LARP4: variants seen among roughly 807,000 people sequenced by gnomAD.
LARP4 encodes the protein La ribonucleoprotein 4.
LARP4 carries 29 observed loss-of-function variants against 92.9 expected under a neutral mutation model. That is an observed-to-expected ratio of 0.31 (90% CI 0.23 to 0.43). The LOEUF (loss-of-function observed/expected upper bound fraction) is 0.43. Ranked by LOEUF, LARP4 falls within the 20% of genes least tolerant of loss-of-function variation. The pLI is 1.00. For synonymous variants in LARP4, 279 were observed against 284.1 expected (o/e 0.98, Z 0.18); for missense variants, 732 against 860.0 (o/e 0.85, Z 1.86).
chr12:50,406,462 CAG>C (rs1565925380), intron 1 of LARP4, among the ~76,000 whole-genome samples: 3 of 152,108 alleles, frequency 2.0e-5, no homozygotes, highest in Admixed American at 6.5e-5. Context: ...GCCTGGATGA[CAG>C]AGTGAGACCC....
chr12:50,463,394 G>A (rs1336520676), intron 12 of LARP4, among the ~76,000 whole-genome samples: 1 of 142,544 alleles, frequency 7.0e-6, no homozygotes, highest in Non-Finnish European at 1.5e-5. Context: ...TACCAGCCTG[G>A]GCAAGGTGAT....
chr12:50,444,976 C>G (rs1388281228), intron 8 of LARP4, among the ~76,000 whole-genome samples: 1 of 152,158 alleles, frequency 6.6e-6, no homozygotes, highest in African/African-American at 2.4e-5. Flanking sequence ...GTGGTACAAT[C>G]TCAATTCATT....
chr12:50,415,359 AGG>A (rs1481139241), intron 1 of LARP4, among the ~76,000 whole-genome samples: 1 of 152,166 alleles, frequency 6.6e-6, no homozygotes, highest in African/African-American at 2.4e-5. Context: ...ATTAATTATC[AGG>A]GACACATCAG....
At chr12:50,445,783 T>C (rs567908406) in intron 8 of LARP4, among the ~76,000 whole-genome samples, 9 of 152,270 alleles carry the variant, frequency 5.9e-5, no homozygotes, top group Non-Finnish European at 1.0e-4. Context: ...ATATTTCTTC[T>C]CTCTCTGCTG....
intron 15 of LARP4, 90 bp downstream of exon 15, chr12:50,474,257 C>T (rs1183111319): frequency 1.7e-5 from 17 of 1,012,884 alleles, no homozygotes; most frequent in Non-Finnish European, 2.5e-5. Context: ...AGAACAGAGT[C>T]ATTTGGAAGT....
rs759217571 is a variant in LARP4 at position 50,462,634 on chromosome 12, A to C, written c.1383+4A>C. Reference sequence around the variant, plus strand: ...ACGAGAAGATGACAGGATCTCAGTAAGTTTTTTAAAACTTTTATTCAGACT... The same window carrying C: ...ACGAGAAGATGACAGGATCTCAGTACGTTTTTTAAAACTTTTATTCAGACT... On this transcript the variant is annotated splice_donor_region_variant and intron_variant, in intron 12 of 15. Transcript: ENST00000398473. 6.3e-7 allele frequency: 1 copy of C among 1,583,582 alleles called. No homozygotes were observed. The highest frequency in any genetic ancestry group is 1.1e-5 in the South Asian group (1 of 87,660).
rs368598602 is a variant in LARP4 at position 50,469,734 on chromosome 12, C to T, written c.1545+2614C>T. ...AACCAACCTGGCCAACGTGGTGAAA[C>T]CCCGTCTCTACTAAAAATAGAAAAA... is the stretch of plus-strand genomic sequence containing the variant. On this transcript the variant is annotated intron_variant, in intron 13 of 15. Transcript: ENST00000398473. Among the ~76,000 whole-genome samples, 12 of 150,884 alleles carry T rather than the reference C, an allele frequency of 8.0e-5. No homozygotes were observed. In the East Asian group the frequency reaches 1.2e-3, roughly 15 times the overall value.
chr12:50,430,504 A>G lies in LARP4; in HGVS notation c.332A>G (p.Asn111Ser), dbSNP rs1260578384. ...TCTTTTCTACCATCAGGAGAAAGCA[A>G]TTCAGCAGTTTCTACAGAAGACCTA... ...YQIYDVSGES[N>S]SAVSTEDLKE... Residue 111 changes from asparagine (N) to serine (S), a missense_variant, in exon 4 of 16, where the codon AAT (asparagine) becomes AGT (serine). By Grantham distance (46) the Asn-to-Ser change is conservative. Around this residue, in one of 7 missense-constraint regions of LARP4, gnomAD observed 236 missense variants for 307.6 expected, o/e 0.77. Coordinates refer to ENST00000398473, the MANE Select transcript of LARP4 (RefSeq NM_052879.5). The G allele has an allele frequency of 6.2e-7, 1 of 1,601,268 alleles. No homozygotes were observed. The highest frequency in any genetic ancestry group is 8.5e-7 in the Non-Finnish European group (1 of 1,170,236).
intron 4 of LARP4, among the ~76,000 whole-genome samples, chr12:50,432,860 CAAAA>C (rs10660517): frequency 1.2e-4 from 15 of 124,414 alleles, no homozygotes; most frequent in South Asian, 5.0e-4. Flanking sequence ...GACTTCGTTT[CAAAA>C]AAAAAAAAAA....
At chr12:50,441,272 C>A in intron 7 of LARP4, 1 of 206,508 alleles carries the variant, frequency 4.8e-6, no homozygotes, top group Non-Finnish European at 9.6e-6. Context: ...TTAAAAATCA[C>A]TCACAGATTT....
At chr12:50,468,416 C>A (rs1221747397) in intron 13 of LARP4, among the ~76,000 whole-genome samples, 1 of 152,068 alleles carries the variant, frequency 6.6e-6, no homozygotes, top group Admixed American at 6.6e-5. Context: ...GCCTCAGCCT[C>A]CCGAGTAGCT....
intron 1 of LARP4, among the ~76,000 whole-genome samples, chr12:50,413,740 G>A (rs1327896593): frequency 1.3e-5 from 2 of 152,146 alleles, no homozygotes; most frequent in African/African-American, 4.8e-5. Flanking sequence ...TGTACAAAGT[G>A]GTCCTGTGAA....
intron 14 of LARP4, 146 bp from the exon 15 acceptor site, chr12:50,473,853 T>G: frequency 2.1e-6 from 1 of 471,168 alleles, no homozygotes; most frequent in African/African-American, 2.0e-5. Context: ...GAGGTTGCAG[T>G]GAGCCAAGAG....
rs186376445 is a variant in LARP4 at position 50,403,325 on chromosome 12, A to G, written c.18+2297A>G. 2.6e-5 allele frequency among the ~76,000 whole-genome samples: 4 copies of G among 152,346 alleles called. No homozygotes were observed. The East Asian group carries it at 7.7e-4, about 29-fold the overall frequency. On this transcript the variant is annotated intron_variant, in intron 1 of 15. Transcript: ENST00000398473. ...CTGAAATCTAAATGGAAAAGAAGTGAAAATTCTTTAAATGTTAATGGCAGC... is the reference window on the plus strand; with the variant it reads ...CTGAAATCTAAATGGAAAAGAAGTGGAAATTCTTTAAATGTTAATGGCAGC...
chr12:50,459,955 G>A (rs1955059735), intron 10 of LARP4, among the ~76,000 whole-genome samples: 1 of 151,802 alleles, frequency 6.6e-6, no homozygotes, highest in South Asian at 2.1e-4. Flanking sequence ...TGGCCAACAT[G>A]GCAAAACCCT....
chr12:50,447,050 G>A (rs1952325736), intron 8 of LARP4, among the ~76,000 whole-genome samples: 1 of 152,116 alleles, frequency 6.6e-6, no homozygotes, highest in Non-Finnish European at 1.5e-5. Flanking sequence ...CAGCAACTTG[G>A]TGTGCCTTTG....
intron 1 of LARP4, among the ~76,000 whole-genome samples, chr12:50,413,439 C>T (rs926267138): frequency 2.6e-5 from 4 of 152,096 alleles, no homozygotes; most frequent in African/African-American, 9.7e-5. Flanking sequence ...AGATAGTGAA[C>T]ATTTCCCATA....
At chr12:50,440,351 G>A in intron 6 of LARP4, 88 bp from the exon 7 acceptor site, 2 of 895,554 alleles carry the variant, frequency 2.2e-6, no homozygotes, top group Non-Finnish European at 1.8e-6. Flanking sequence ...CATGAAGATA[G>A]GCTTAACATT....
At chr12:50,401,116 G>A (rs1592658877) in intron 1 of LARP4, 88 bp downstream of exon 1, 3 of 1,475,814 alleles carry the variant, frequency 2.0e-6, no homozygotes, top group Admixed American at 1.7e-5. Flanking sequence ...TGACTTTCCG[G>A]GCCGTACACG....
Sources: allele counts gnomAD v4.1 joint callset (sites outside exome capture counted in the v4.1 genomes callset), GRCh38; gene constraint gnomAD v4.1.1; regional missense constraint gnomAD v4.1.1; transcripts MANE v1.5; gene names NCBI Gene and HGNC (gene_info 2026-07-23, HGNC 2026-07-21).